Variants in ZCCHC7 observed in about 807,000 individuals in gnomAD.
ZCCHC7 encodes zinc finger CCHC-type containing 7, also known as zinc finger CCHC domain-containing protein 7.
In ZCCHC7, 35 loss-of-function variants were observed where a neutral mutation model predicts 52.0. The observed-to-expected ratio is 0.67, with a 90% CI of 0.51 to 0.89. The LOEUF is 0.89. ZCCHC7 is among the 40% of genes least tolerant of loss of function. The pLI is 0.00. For missense variants in ZCCHC7, 574 were observed against 649.1 expected (o/e 0.88, Z 1.26); for synonymous variants, 217 against 221.5 (o/e 0.98, Z 0.18).
In ZCCHC7 at chr9:37,348,838, T is replaced by C. The variant is rs180739331; in HGVS notation, c.988-519T>C. Reference sequence around the variant, plus strand: ...ATATTTTGGCAGCATGTATGCTCTTTTTTAGTTCCATGTCACTGTTCATTC... The same window carrying C: ...ATATTTTGGCAGCATGTATGCTCTTCTTTAGTTCCATGTCACTGTTCATTC... On this transcript the variant is annotated intron_variant, in intron 6 of 8. Transcript: ENST00000336755. 1.3e-4 allele frequency among the ~76,000 whole-genome samples: 20 copies of C among 152,358 alleles called. No homozygotes were observed. The East Asian group carries it at 3.7e-3, about 28-fold the overall frequency.
In ZCCHC7 at chr9:37,193,393, A is replaced by G. The variant is rs76675782; in HGVS notation, c.610+66451A>G. Among the ~76,000 whole-genome samples the G allele has an allele frequency of 3.6e-3, 543 of 152,320 alleles. 7 individuals carry two copies. Among genetic ancestry groups the G allele is most frequent in the African/African-American group, 0.013 (522 of 41,570 alleles). ...TTATTAACTAAAATTCTCCTACAAT[A>G]GGAAATTTTACTGCATTTTGACATC... On this transcript the variant is annotated intron_variant, in intron 2 of 8. Transcript: ENST00000336755.
At chr9:37,332,605 G>A (rs1407528078) in intron 6 of ZCCHC7, among the ~76,000 whole-genome samples, 1 of 151,260 alleles carries the variant, frequency 6.6e-6, no homozygotes, top group African/African-American at 2.4e-5. Flanking sequence ...TACATTTACA[G>A]AGTAAGTCAA....
At chr9:37,285,143 G>A (rs1044210109) in intron 2 of ZCCHC7, among the ~76,000 whole-genome samples, 5 of 152,156 alleles carry the variant, frequency 3.3e-5, no homozygotes, top group Non-Finnish European at 5.9e-5. Flanking sequence ...GATATCCAGC[G>A]CTTGGATTTT....
chr9:37,313,326 C>G (rs1027800871), intron 5 of ZCCHC7, among the ~76,000 whole-genome samples: 17 of 152,168 alleles, frequency 1.1e-4, no homozygotes, highest in African/African-American at 3.4e-4. Flanking sequence ...ACTTGAAGGT[C>G]TCCTCCTGTC....
At chr9:37,350,601 T>G (rs181962924) in intron 7 of ZCCHC7, among the ~76,000 whole-genome samples, 11 of 152,326 alleles carry the variant, frequency 7.2e-5, no homozygotes, top group East Asian at 3.9e-4. Flanking sequence ...AGCCAACATA[T>G]TCCCTAACCC....
chr9:37,190,157 C>G (rs1307038527), intron 2 of ZCCHC7, among the ~76,000 whole-genome samples: 2 of 152,210 alleles, frequency 1.3e-5, no homozygotes, highest in Non-Finnish European at 2.9e-5. Flanking sequence ...AGAATTCTTG[C>G]TACCCTCTTG....
intron 2 of ZCCHC7, among the ~76,000 whole-genome samples, chr9:37,130,717 C>T (rs944648842): frequency 9.2e-5 from 14 of 151,438 alleles, no homozygotes; most frequent in African/African-American, 3.2e-4. Flanking sequence ...AGGATGGTCG[C>T]GATCTCCTGA....
intron 2 of ZCCHC7, among the ~76,000 whole-genome samples, chr9:37,130,357 T>G (rs1156352626): frequency 7.1e-6 from 1 of 141,606 alleles, no homozygotes; most frequent in African/African-American, 2.6e-5. Flanking sequence ...TTTTTTTTTT[T>G]TTTTTTTATA....
chr9:37,252,166 G>A (rs1236096633), intron 2 of ZCCHC7, among the ~76,000 whole-genome samples: 3 of 152,084 alleles, frequency 2.0e-5, no homozygotes, highest in Non-Finnish European at 4.4e-5. Flanking sequence ...ACAGCTCTAA[G>A]TTGATTTTCC....
chr9:37,171,632 C>CTGG (rs1821734601), intron 2 of ZCCHC7, among the ~76,000 whole-genome samples: 1 of 151,976 alleles, frequency 6.6e-6, no homozygotes, highest in South Asian at 2.1e-4. Context: ...CTTGCTCAGG[C>CTGG]TGGTCTCTAA....
At position 37,126,704 on chromosome 9, in the gene ZCCHC7, A is replaced by G. The variant is rs201243357; in HGVS notation, c.372A>G (p.Gln124=). The G allele has an allele frequency of 5.1e-5, 82 of 1,614,026 alleles. No individual in the cohort carries two copies. The highest frequency in any genetic ancestry group is 1.6e-4 in the African/African-American group (12 of 74,934). The change falls in exon 2 of 9, where the codon CAA becomes CAG. Residue 124 remains glutamine (Q), a synonymous_variant. Coordinates refer to ENST00000336755, the MANE Select transcript of ZCCHC7 (RefSeq NM_032226.3). ...ENAHGLSSSL[Q]SNELVDKKCK... ...CCCATGGTCTTTCTTCTTCTCTTCA[A>G]TCTAATGAGCTGGTTGATAAGAAAT...
At chr9:37,302,809 A>G (rs1029148061) in intron 3 of ZCCHC7, among the ~76,000 whole-genome samples, 1 of 152,156 alleles carries the variant, frequency 6.6e-6, no homozygotes, top group African/African-American at 2.4e-5. Flanking sequence ...CATTGTTGGT[A>G]CTCTCTTACA....
At chr9:37,127,187 GCTT>G (rs1842578181) in intron 2 of ZCCHC7, among the ~76,000 whole-genome samples, 1 of 152,172 alleles carries the variant, frequency 6.6e-6, no homozygotes, top group Non-Finnish European at 1.5e-5. Flanking sequence ...ATTCATAGCT[GCTT>G]CTTCCTGTTT....
chr9:37,216,173 A>G (rs1441276219), intron 2 of ZCCHC7, among the ~76,000 whole-genome samples: 1 of 152,190 alleles, frequency 6.6e-6, no homozygotes, highest in South Asian at 2.1e-4. Context: ...GAGGTCATAT[A>G]GCATTTTCTG....
chr9:37,317,957 A>G (rs1290050707), intron 5 of ZCCHC7, among the ~76,000 whole-genome samples: 1 of 151,858 alleles, frequency 6.6e-6, no homozygotes, highest in African/African-American at 2.4e-5. Context: ...TCTGTAATAT[A>G]TAAAAAGCTC....
At chr9:37,238,546 G>A (rs1472962952) in intron 2 of ZCCHC7, among the ~76,000 whole-genome samples, 2 of 151,758 alleles carry the variant, frequency 1.3e-5, no homozygotes, top group Non-Finnish European at 2.9e-5. Flanking sequence ...TTGTGTTACC[G>A]AGAAACTGTT....
chr9:37,347,878 A>G (rs895121380), intron 6 of ZCCHC7, among the ~76,000 whole-genome samples: 4 of 152,180 alleles, frequency 2.6e-5, no homozygotes, highest in Non-Finnish European at 5.9e-5. Flanking sequence ...AACATTGTAG[A>G]TCAGTTCATC....
chr9:37,304,518 G>A (rs534505333), intron 4 of ZCCHC7, among the ~76,000 whole-genome samples: 43 of 152,218 alleles, frequency 2.8e-4, no homozygotes, highest in Middle Eastern at 6.8e-3. Context: ...TTAGCCGGGC[G>A]TGATGGCGGG....
At chr9:37,341,074 A>G (rs1820605219) in intron 6 of ZCCHC7, among the ~76,000 whole-genome samples, 1 of 152,152 alleles carries the variant, frequency 6.6e-6, no homozygotes, top group Non-Finnish European at 1.5e-5. Flanking sequence ...AGAAGTGTCA[A>G]CATGAAACAT....
Sources: allele counts gnomAD v4.1 joint callset (sites outside exome capture counted in the v4.1 genomes callset), GRCh38; gene constraint gnomAD v4.1.1; transcripts MANE v1.5; gene names NCBI Gene and HGNC (gene_info 2026-07-23, HGNC 2026-07-21).